FARS2: variants seen among roughly 807,000 people sequenced by gnomAD.
FARS2 encodes the protein phenylalanyl-tRNA synthetase 2, mitochondrial.
Under a neutral mutation model 46.4 loss-of-function variants are expected in FARS2, and 40 were observed. The ratio of observed to expected loss-of-function variants is 0.86; its 90% CI spans 0.67 to 1.12. The LOEUF (loss-of-function observed/expected upper bound fraction) is 1.12, where lower values mean the gene tolerates loss of function less well. Ranked by LOEUF, FARS2 falls within the 50% of genes most tolerant of loss-of-function variation. The pLI, the probability that FARS2 is intolerant of heterozygous loss-of-function variation, is 0.00. For synonymous variants in FARS2, 234 were observed against 214.9 expected (o/e 1.09, Z -0.78); for missense variants, 513 against 567.9 (o/e 0.90, Z 0.98).
At chr6:5,545,388 C>G in intron 5 of FARS2, 48 bp downstream of exon 5, 2 of 1,394,720 alleles carry the variant, frequency 1.4e-6, no homozygotes, top group East Asian at 2.3e-5. Flanking sequence ...AAATGGCTGT[C>G]AAGGATCGAC....
At chr6:5,318,387 C>CAAAAAAAAAAAAAAAA (rs753113504) in intron 1 of FARS2, among the ~76,000 whole-genome samples, 1 of 77,196 alleles carries the variant, frequency 1.3e-5, no homozygotes, top group African/African-American at 4.7e-5. Context: ...AAAAAAAAAC[C>CAAAAAAAAAAAAAAAA]AAAAAAAAAA....
intron 4 of FARS2, among the ~76,000 whole-genome samples, chr6:5,506,320 C>T (rs535498983): frequency 7.7e-4 from 117 of 152,238 alleles, no homozygotes; most frequent in Middle Eastern, 6.8e-3. Flanking sequence ...GTCACTCTAA[C>T]GGAAGTTTTT....
intron 1 of FARS2, among the ~76,000 whole-genome samples, chr6:5,312,524 T>G (rs967301221): frequency 3.3e-5 from 5 of 152,192 alleles, no homozygotes; most frequent in Non-Finnish European, 7.3e-5. Context: ...ATATCAAAAC[T>G]TCAAAGATTT....
At chr6:5,567,103 G>T (rs555148546) in intron 5 of FARS2, among the ~76,000 whole-genome samples, 1 of 152,344 alleles carries the variant, frequency 6.6e-6, no homozygotes, top group South Asian at 2.1e-4. Context: ...ATACTCTATA[G>T]TGGCTACACC....
intron 4 of FARS2, among the ~76,000 whole-genome samples, chr6:5,521,124 T>A (rs79137446): frequency 0.11 from 16,803 of 152,142 alleles, 982 homozygotes; most frequent in Admixed American, 0.16. Context: ...TTTTTTTATT[T>A]ATATTTTGTT....
At chr6:5,261,027 G>A (rs189474257), upstream of FARS2, 17,852 of 979,650 alleles carry the variant, frequency 0.018, 198 homozygotes, top group Middle Eastern at 0.033. Context: ...GGAGGCTCGG[G>A]ACCCAGCAGC....
chr6:5,472,350 A>G (rs957759539), intron 4 of FARS2, among the ~76,000 whole-genome samples: 1 of 152,206 alleles, frequency 6.6e-6, no homozygotes, highest in East Asian at 1.9e-4. Flanking sequence ...ATGTGATTAA[A>G]TCCATGTATG....
At chr6:5,593,301 C>A (rs567030394) in intron 5 of FARS2, among the ~76,000 whole-genome samples, 3 of 151,572 alleles carry the variant, frequency 2.0e-5, no homozygotes, top group Admixed American at 6.6e-5. Context: ...CTCCCGCCCC[C>A]ACCGGCCTCT....
intron 3 of FARS2, among the ~76,000 whole-genome samples, chr6:5,427,533 CAG>C (rs900697192): frequency 1.7e-4 from 26 of 151,936 alleles, no homozygotes; most frequent in Non-Finnish European, 2.9e-4. Context: ...CAGAGGATCT[CAG>C]GGGGTAAAAA....
chr6:5,292,301 GT>G (rs1767559896), intron 1 of FARS2, among the ~76,000 whole-genome samples: 1 of 152,226 alleles, frequency 6.6e-6, no homozygotes, highest in Admixed American at 6.5e-5. Flanking sequence ...TAAGACTTCT[GT>G]TTTAGATCAT....
rs771506886 is a variant in FARS2, at chr6:5,709,671, GGT to G, written c.1218-61594_1218-61593del. 9.4e-3 allele frequency among the ~76,000 whole-genome samples: 916 copies of G among 97,174 alleles called. 49 individuals are homozygous for G. In the East Asian group the frequency reaches 0.24, roughly 26 times the overall value. The allele number at this position is 97,174 out of a possible 152,430, so 63.7% of individuals were successfully genotyped here. A position where few individuals can be genotyped will look rare whatever the true frequency, so the allele number is the denominator to read the frequency against. ...TGGTCCCCTGTTGATGTTCCAAGAG[GGT>G]GTGTGTGTGTGTGTGTGTGTGTGTG... On this transcript the variant is annotated intron_variant, in intron 6 of 6. Coordinates refer to ENST00000274680, the MANE Select transcript of FARS2 (RefSeq NM_006567.5).
At chr6:5,317,172 T>C (rs1443171839) in intron 1 of FARS2, among the ~76,000 whole-genome samples, 2 of 152,112 alleles carry the variant, frequency 1.3e-5, no homozygotes, top group African/African-American at 4.8e-5. Context: ...CAGCAAACAG[T>C]AAAAACAGCT....
At chr6:5,517,675 CTT>C (rs1449629677) in intron 4 of FARS2, among the ~76,000 whole-genome samples, 1 of 151,208 alleles carries the variant, frequency 6.6e-6, no homozygotes, top group Non-Finnish European at 1.5e-5. Context: ...GTTTCAAAGA[CTT>C]AGTTCAAAAA....
intron 2 of FARS2, among the ~76,000 whole-genome samples, chr6:5,396,258 G>A (rs1157064008): frequency 6.6e-6 from 1 of 151,956 alleles, no homozygotes; most frequent in Non-Finnish European, 1.5e-5. Flanking sequence ...ATTTCCTCAG[G>A]GGAAATAAAT....
At chr6:5,392,735 TACACACACACACAC>T (rs10526282) in intron 2 of FARS2, among the ~76,000 whole-genome samples, 21,099 of 142,274 alleles carry the variant, frequency 0.15, 3,691 homozygotes, top group African/African-American at 0.43. Flanking sequence ...TATATATATA[TACACACACACACAC>T]ACACACACAC....
Position 5,432,399 on chromosome 6 carries a change from A to G in FARS2, c.904+1227A>G, listed in dbSNP as rs1402853608. On this transcript the variant is annotated intron_variant, in intron 4 of 6. Coordinates refer to ENST00000274680, the MANE Select transcript of FARS2 (RefSeq NM_006567.5). ...TATTTATATATTATACATTATATAT[A>G]TTATGTATTATATATAATATATAAT... 2.4e-5 allele frequency among the ~76,000 whole-genome samples: 3 copies of G among 127,652 alleles called. No homozygotes were observed. The East Asian group carries it at 6.1e-4, about 26-fold the overall frequency. The allele number at this position is 127,652 out of a possible 152,430, so 83.7% of individuals were successfully genotyped here.
Position 5,608,919 on chromosome 6 carries a change from C to A in FARS2, c.1066-4250C>A, listed in dbSNP as rs532842492. Reference sequence around the variant, plus strand: ...AAAAAAAGACATTTATTCAGTATCACAATCAGACTATTACATTTAGCAATC... The same window carrying A: ...AAAAAAAGACATTTATTCAGTATCAAAATCAGACTATTACATTTAGCAATC... On this transcript the variant is annotated intron_variant, in intron 5 of 6. Transcript: ENST00000274680. 2.0e-5 allele frequency among the ~76,000 whole-genome samples: 3 copies of A among 151,618 alleles called. No individual in the cohort carries two copies. The East Asian group carries it at 5.8e-4, about 29-fold the overall frequency.
chr6:5,491,463 C>T (rs530385295), intron 4 of FARS2, among the ~76,000 whole-genome samples: 4 of 152,216 alleles, frequency 2.6e-5, no homozygotes, highest in Admixed American at 2.0e-4. Context: ...CCTGCATTTT[C>T]CTAAAGTGAC....
intron 4 of FARS2, among the ~76,000 whole-genome samples, chr6:5,440,540 A>G (rs1035860545): frequency 2.6e-5 from 4 of 152,236 alleles, no homozygotes; most frequent in African/African-American, 9.6e-5. Context: ...CCCTAGGTTT[A>G]TGATGCATAT....
Sources: allele counts gnomAD v4.1 joint callset (sites outside exome capture counted in the v4.1 genomes callset), GRCh38; gene constraint gnomAD v4.1.1; transcripts MANE v1.5; gene names NCBI Gene and HGNC (gene_info 2026-07-23, HGNC 2026-07-21).